The following RGS6 variants were observed in gnomAD, a reference collection of about 807,000 sequenced individuals.
RGS6 encodes the protein regulator of G-protein signaling 6.
A neutral mutation model predicts 78.5 loss-of-function variants in RGS6; 30 were observed. The observed-to-expected ratio is 0.38, with a 90% CI of 0.29 to 0.52. The LOEUF (loss-of-function observed/expected upper bound fraction) is 0.52, where lower values mean the gene tolerates loss of function less well. Ranked by LOEUF, RGS6 falls within the 20% of genes least tolerant of loss-of-function variation. The pLI, the probability that RGS6 is intolerant of heterozygous loss-of-function variation, is 0.85. For missense variants in RGS6, 495 were observed against 609.7 expected (o/e 0.81, Z 1.98); for synonymous variants, 206 against 206.0 (o/e 1.00, Z 0.00).
chr14:72,007,204 C>A (rs2084743052), intron 2 of RGS6, among the ~76,000 whole-genome samples: 1 of 149,904 alleles, frequency 6.7e-6, no homozygotes, highest in African/African-American at 2.5e-5. Context: ...AGAGGAGAAA[C>A]TGAAGGTAAA....
intron 2 of RGS6, among the ~76,000 whole-genome samples, chr14:72,193,975 T>G (rs891638035): frequency 1.3e-5 from 2 of 152,146 alleles, no homozygotes; most frequent in African/African-American, 2.4e-5. Context: ...GAACATGAAC[T>G]GACTTATGCT....
intron 2 of RGS6, among the ~76,000 whole-genome samples, chr14:72,135,217 G>T (rs532506298): frequency 6.6e-6 from 1 of 152,236 alleles, no homozygotes; most frequent in African/African-American, 2.4e-5. Flanking sequence ...TTCTCTGAAT[G>T]GCATTTAACA....
At chr14:72,230,913 G>T (rs2049396778) in intron 2 of RGS6, among the ~76,000 whole-genome samples, 1 of 152,146 alleles carries the variant, frequency 6.6e-6, no homozygotes, top group African/African-American at 2.4e-5. Context: ...GCCTTGCCAA[G>T]TTAACACATA....
intron 2 of RGS6, among the ~76,000 whole-genome samples, chr14:71,990,035 G>A (rs1017475754): frequency 3.3e-5 from 5 of 152,116 alleles, no homozygotes; most frequent in Admixed American, 6.5e-5. Flanking sequence ...GCATGGCACC[G>A]GCATCAACAT....
At chr14:72,028,887 G>T (rs1596313890) in intron 2 of RGS6, among the ~76,000 whole-genome samples, 2 of 152,336 alleles carry the variant, frequency 1.3e-5, no homozygotes, top group East Asian at 3.9e-4. Context: ...TTTCTCACCT[G>T]TAGGTCAAGT....
At chr14:72,116,963 CAAAAAAA>C (rs56397216) in intron 2 of RGS6, among the ~76,000 whole-genome samples, 58 of 78,336 alleles carry the variant, frequency 7.4e-4, no homozygotes, top group South Asian at 1.5e-3. Flanking sequence ...GACTCCATCT[CAAAAAAA>C]AAAAAAAAAA....
chr14:72,050,262 G>A (rs1250500364), intron 2 of RGS6, among the ~76,000 whole-genome samples: 2 of 152,158 alleles, frequency 1.3e-5, no homozygotes, highest in African/African-American at 4.8e-5. Context: ...AACTGATTTA[G>A]TTTCACCATC....
At chr14:72,371,716 G>A (rs1342557238) in intron 3 of RGS6, among the ~76,000 whole-genome samples, 4 of 152,100 alleles carry the variant, frequency 2.6e-5, no homozygotes, top group Non-Finnish European at 5.9e-5. Context: ...AGCCGAGATC[G>A]CACCATTGCA....
At chr14:72,136,403 C>T (rs546186845) in intron 2 of RGS6, among the ~76,000 whole-genome samples, 25 of 151,792 alleles carry the variant, frequency 1.6e-4, no homozygotes, top group Non-Finnish European at 3.1e-4. Flanking sequence ...ATATCGAAGA[C>T]TGGGTAATTT....
the RGS6 span, among the ~76,000 whole-genome samples, chr14:71,897,794 C>G: frequency 6.6e-6 from 1 of 152,132 alleles, no homozygotes; most frequent in Admixed American, 6.6e-5. Context: ...GCTGGGATTA[C>G]AGGCGTGAGC....
In RGS6 at chr14:72,562,735, C is replaced by T. The variant is rs996484051; in HGVS notation, c.*268C>T. On this transcript the variant is annotated 3_prime_UTR_variant, in exon 18 of 18. Transcript: ENST00000553525. ...TACAGTTGTATTCCAACACTCCACT[C>T]GCTAAGAGGCCCTGATCCCAGCTCA... is the stretch of plus-strand genomic sequence containing the variant. The T allele has an allele frequency of 2.3e-5, 36 of 1,536,038 alleles. No homozygotes were observed. The highest frequency in any genetic ancestry group is 2.2e-4 in the Admixed American group (11 of 50,976).
intron 2 of RGS6, among the ~76,000 whole-genome samples, chr14:72,289,374 C>A (rs1056141158): frequency 2.0e-5 from 3 of 150,944 alleles, no homozygotes; most frequent in African/African-American, 7.3e-5. Flanking sequence ...TCCCCGTTTT[C>A]CTGTGGTATT....
At chr14:71,939,614 A>G (rs569813947) in intron 1 of RGS6, among the ~76,000 whole-genome samples, 2 of 152,372 alleles carry the variant, frequency 1.3e-5, no homozygotes, top group Non-Finnish European at 2.9e-5. Flanking sequence ...TGCCAAGTCA[A>G]TGGCTGCATA....
chr14:72,541,549 C>A (rs560236541), intron 17 of RGS6: 1 of 1,535,676 alleles, frequency 6.5e-7, no homozygotes, highest in Admixed American at 2.0e-5. Context: ...CTCCGCACAC[C>A]AAGAAGCTGC....
chr14:72,319,629 C>G (rs1223113278), intron 2 of RGS6, among the ~76,000 whole-genome samples: 1 of 151,946 alleles, frequency 6.6e-6, no homozygotes, highest in Non-Finnish European at 1.5e-5. Context: ...GCGTGAGCCA[C>G]CGCACCCGGC....
intron 2 of RGS6, among the ~76,000 whole-genome samples, chr14:72,338,904 C>T (rs2076501130): frequency 6.6e-6 from 1 of 152,194 alleles, no homozygotes; most frequent in South Asian, 2.1e-4. Context: ...GAGTGAGTAA[C>T]TGTGTGGCAG....
the RGS6 span, among the ~76,000 whole-genome samples, chr14:72,584,336 T>A: frequency 1.3e-5 from 2 of 152,144 alleles, no homozygotes; most frequent in African/African-American, 4.8e-5. Context: ...TTTTACAGAT[T>A]TATATTTCAG....
intron 1 of RGS6, among the ~76,000 whole-genome samples, chr14:71,963,157 G>C (rs973899399): frequency 6.6e-6 from 1 of 152,128 alleles, no homozygotes; most frequent in Non-Finnish European, 1.5e-5. Flanking sequence ...GCATATAGCA[G>C]GTGTTTGGTA....
chr14:72,472,858 C>CT lies in RGS6; in HGVS notation c.537-11dup. 2 of 1,585,780 alleles carry CT rather than the reference C, an allele frequency of 1.3e-6. No homozygotes were observed. Among genetic ancestry groups the CT allele is most frequent in the Non-Finnish European group, 1.7e-6 (2 of 1,159,330 alleles). On this transcript the variant is annotated splice_polypyrimidine_tract_variant and intron_variant, in intron 8 of 17. Transcript: ENST00000553525. ...ACAGAGCTTCTTATTTCCTTCCTCT[C>CT]TTTACTCTTTCAGGATTGACCGGAA...
Sources: allele counts gnomAD v4.1 joint callset (sites outside exome capture counted in the v4.1 genomes callset), GRCh38; gene constraint gnomAD v4.1.1; transcripts MANE v1.5; gene names NCBI Gene and HGNC (gene_info 2026-07-23, HGNC 2026-07-21).